The following SNX29 variants were observed in gnomAD, a reference collection of about 807,000 sequenced individuals.
SNX29 encodes sorting nexin-29.
A neutral mutation model predicts 102.1 loss-of-function variants in SNX29; 78 were observed. The observed-to-expected ratio is 0.76, with a 90% CI of 0.64 to 0.92. SNX29 has a LOEUF of 0.92. Ranked by LOEUF, SNX29 falls within the 40% of genes least tolerant of loss-of-function variation. SNX29 has a pLI of 0.00. For missense variants in SNX29, 1,280 were observed against 1,061.7 expected, an observed-to-expected ratio of 1.21 and a Z score of -2.86; for synonymous variants, 580 against 414.5, an observed-to-expected ratio of 1.40 and a Z score of -4.85.
intron 14 of SNX29, among the ~76,000 whole-genome samples, chr16:12,203,500 C>T (rs1056992568): frequency 1.3e-4 from 20 of 149,388 alleles, no homozygotes; most frequent in Non-Finnish European, 6.0e-5. Context: ...GGTGACGTCT[C>T]TGAAGTTGTG....
At chr16:12,485,079 C>A (rs1018645792) in intron 19 of SNX29, among the ~76,000 whole-genome samples, 2 of 152,184 alleles carry the variant, frequency 1.3e-5, no homozygotes, top group African/African-American at 4.8e-5. Context: ...GGCACACATT[C>A]AAAAAATCTC....
chr16:12,056,617 C>G (rs350217), intron 8 of SNX29, among the ~76,000 whole-genome samples: 19,756 of 152,146 alleles, frequency 0.13, 2,163 homozygotes, highest in African/African-American at 0.29. Context: ...GCCCTGTTGT[C>G]TTTAAGACCC....
chr16:12,509,326 G>C (rs928256695), intron 19 of SNX29, among the ~76,000 whole-genome samples: 6 of 152,214 alleles, frequency 3.9e-5, no homozygotes, highest in Non-Finnish European at 8.8e-5. Flanking sequence ...GAGCCCCTCA[G>C]CTGGTCCAGG....
intron 19 of SNX29, among the ~76,000 whole-genome samples, chr16:12,483,498 G>A (rs1170035531): frequency 1.3e-5 from 2 of 151,518 alleles, no homozygotes; most frequent in Non-Finnish European, 2.9e-5. Flanking sequence ...TGTATTTTTT[G>A]TAGAGACGGG....
intron 19 of SNX29, among the ~76,000 whole-genome samples, chr16:12,523,979 C>T (rs974223094): frequency 2.0e-5 from 3 of 152,060 alleles, no homozygotes; most frequent in Non-Finnish European, 2.9e-5. Context: ...CTCTGCCTCC[C>T]GGGTTCAAGT....
intron 20 of SNX29, among the ~76,000 whole-genome samples, chr16:12,558,350 C>A (rs987049293): frequency 6.6e-6 from 1 of 151,832 alleles, no homozygotes; most frequent in African/African-American, 2.4e-5. Context: ...GAGGCCCCCT[C>A]AGCATCACAG....
intron 18 of SNX29, among the ~76,000 whole-genome samples, chr16:12,431,182 G>C (rs1049424944): frequency 3.9e-5 from 6 of 152,086 alleles, no homozygotes; most frequent in Non-Finnish European, 8.8e-5. Flanking sequence ...AGTTGGGAGT[G>C]AGTGGGGTGG....
intron 15 of SNX29, among the ~76,000 whole-genome samples, chr16:12,309,987 C>A (rs2080475241): frequency 6.6e-6 from 1 of 152,170 alleles, no homozygotes; most frequent in African/African-American, 2.4e-5. Flanking sequence ...GAAGCAGGAT[C>A]ACCAAGATAA....
At chr16:12,257,690 ATTTT>A (rs33963423) in intron 14 of SNX29, among the ~76,000 whole-genome samples, 21 of 141,016 alleles carry the variant, frequency 1.5e-4, no homozygotes, top group African/African-American at 2.9e-4. Context: ...CTTATTTAAA[ATTTT>A]TTTTTTTTTT....
intron 13 of SNX29, among the ~76,000 whole-genome samples, chr16:12,198,020 G>T (rs1389911860): frequency 6.6e-6 from 1 of 152,184 alleles, no homozygotes; most frequent in African/African-American, 2.4e-5. Context: ...ATCTATAGTA[G>T]TGGGTGGTAT....
chr16:12,559,563 C>G (rs182565213), intron 20 of SNX29, among the ~76,000 whole-genome samples: 17 of 152,092 alleles, frequency 1.1e-4, no homozygotes, highest in Admixed American at 7.2e-4. Flanking sequence ...GAAAATTTTT[C>G]TTATACATAA....
chr16:12,546,739 G>A (rs930948626), intron 20 of SNX29: 2 of 151,464 alleles, frequency 1.3e-5, no homozygotes, highest in South Asian at 2.1e-4. Context: ...AAGAAGATAG[G>A]AGAAAATTAG....
At position 12,027,364 on chromosome 16, in the gene SNX29, G is replaced by C. The variant is rs2057223152; in HGVS notation, c.167G>C (p.Gly56Ala). Residue 56 changes from glycine (G) to alanine (A), a missense_variant, in exon 4 of 21, where the codon GGC becomes GCC. Coordinates refer to ENST00000566228, the MANE Select transcript of SNX29 (RefSeq NM_032167.5). ...CAQFEAVLQHGLKRSRGLALT... is the reference protein window; with the variant it reads ...CAQFEAVLQHALKRSRGLALT... ...CAGTTTGAAGCCGTCCTGCAGCATG[G>C]CTTGAAGAGGAGTCGAGGATTGGCA... The C allele has an allele frequency of 1.2e-6, 2 of 1,613,978 alleles. No homozygotes were observed. Among genetic ancestry groups the C allele is most frequent in the African/African-American group, 2.7e-5 (2 of 74,926 alleles).
At chr16:12,565,709 G>A (rs1024871106) in intron 20 of SNX29, among the ~76,000 whole-genome samples, 42 of 152,166 alleles carry the variant, frequency 2.8e-4, no homozygotes, top group Admixed American at 2.4e-3. Flanking sequence ...AAGCAGCTGG[G>A]CCGGGTCTGC....
intron 19 of SNX29, among the ~76,000 whole-genome samples, chr16:12,482,397 G>A (rs2151835590): frequency 6.6e-6 from 1 of 152,066 alleles, no homozygotes; most frequent in South Asian, 2.1e-4. Context: ...AAACTCCTGG[G>A]TTCAAGTGAC....
At chr16:12,238,628 A>G (rs1000206094) in intron 14 of SNX29, among the ~76,000 whole-genome samples, 9 of 152,158 alleles carry the variant, frequency 5.9e-5, no homozygotes, top group African/African-American at 1.9e-4. Context: ...CCGGCCTTGA[A>G]TAGGTACTTG....
intron 11 of SNX29, among the ~76,000 whole-genome samples, chr16:12,116,034 G>A (rs1014381283): frequency 3.9e-5 from 6 of 152,214 alleles, no homozygotes; most frequent in Admixed American, 6.5e-5. Context: ...CAAATTGACC[G>A]TGCCAGGTGA....
intron 18 of SNX29, among the ~76,000 whole-genome samples, chr16:12,477,279 A>G (rs2087699461): frequency 1.3e-5 from 2 of 152,126 alleles, no homozygotes; most frequent in Non-Finnish European, 2.9e-5. Flanking sequence ...GTGTGGTCCC[A>G]GGCACCACCA....
At chr16:12,424,743 A>G (rs1055578110) in intron 18 of SNX29, among the ~76,000 whole-genome samples, 6 of 152,136 alleles carry the variant, frequency 3.9e-5, no homozygotes, top group African/African-American at 1.4e-4. Context: ...AACAGACAGT[A>G]TCTTCTCCTC....
Sources: allele counts gnomAD v4.1 joint callset (sites outside exome capture counted in the v4.1 genomes callset), GRCh38; gene constraint gnomAD v4.1.1; transcripts MANE v1.5; gene names NCBI Gene and HGNC (gene_info 2026-07-23, HGNC 2026-07-21).